Variants in SEMA3A observed in about 807,000 individuals in gnomAD.
The protein encoded by SEMA3A is semaphorin 3A.
SEMA3A carries 29 observed loss-of-function variants against 97.9 expected under a neutral mutation model. The observed-to-expected ratio is 0.30, with a 90% confidence interval of 0.22 to 0.40. SEMA3A has a LOEUF of 0.40. SEMA3A is among the 10% of genes least tolerant of loss of function. SEMA3A has a pLI of 1.00. For synonymous variants in SEMA3A, 321 were observed against 323.7 expected, an observed-to-expected ratio of 0.99 and a Z score of 0.09; for missense variants, 763 against 951.3, an observed-to-expected ratio of 0.80 and a Z score of 2.60.
intron 1 of SEMA3A, among the ~76,000 whole-genome samples, chr7:84,458,566 G>C (rs1275962199): frequency 2.6e-5 from 4 of 151,902 alleles, no homozygotes; most frequent in African/African-American, 9.7e-5. Context: ...CTGAAAGTTA[G>C]ATTTCTGACT....
chr7:84,440,342 A>T (rs576489640), intron 1 of SEMA3A, among the ~76,000 whole-genome samples: 34 of 152,276 alleles, frequency 2.2e-4, no homozygotes, highest in Admixed American at 1.3e-3. Context: ...GCAGCTGTCC[A>T]CATGTTCCTG....
chr7:84,436,008 G>C (rs1438747240), intron 1 of SEMA3A, among the ~76,000 whole-genome samples: 1 of 152,076 alleles, frequency 6.6e-6, no homozygotes. Context: ...ACCAAATAGG[G>C]AACTCAGAAA....
intron 3 of SEMA3A, among the ~76,000 whole-genome samples, chr7:84,265,013 A>G (rs1439934510): frequency 6.6e-6 from 1 of 152,152 alleles, no homozygotes; most frequent in Non-Finnish European, 1.5e-5. Context: ...TACCAATAGC[A>G]CTACCAATAG....
intron 3 of SEMA3A, among the ~76,000 whole-genome samples, chr7:84,210,887 C>T (rs983744924): frequency 2.0e-5 from 3 of 152,122 alleles, no homozygotes; most frequent in East Asian, 1.9e-4. Flanking sequence ...GGTAACATTA[C>T]GTATCTGCAG....
intron 2 of SEMA3A, among the ~76,000 whole-genome samples, chr7:84,129,832 C>G (rs938767461): frequency 6.6e-6 from 1 of 151,830 alleles, no homozygotes; most frequent in African/African-American, 2.4e-5. Context: ...CAATCACCCT[C>G]TCTAATGTGG....
chr7:84,271,163 C>A (rs1254792452), intron 3 of SEMA3A, among the ~76,000 whole-genome samples: 1 of 151,978 alleles, frequency 6.6e-6, no homozygotes, highest in Non-Finnish European at 1.5e-5. Flanking sequence ...TTATTTATAG[C>A]TACCTCCTCT....
Position 83,978,102 on chromosome 7 carries a change from A to AT in SEMA3A, c.1653-907dup, listed in dbSNP as rs200279682. Among the ~76,000 whole-genome samples the AT allele has an allele frequency of 5.0e-3, 763 of 152,202 alleles. 7 individuals carry two copies. Among genetic ancestry groups the AT allele is most frequent in the African/African-American group, 0.018 (747 of 41,538 alleles). ...ACAGCGTGAGCCACTGCGCCTGGCCATATCAACCTGTTCTTTTTTAAAACA... is the reference window on the plus strand; with the variant it reads ...ACAGCGTGAGCCACTGCGCCTGGCCATTATCAACCTGTTCTTTTTTAAAACA... On this transcript the variant is annotated intron_variant, in intron 14 of 16. Coordinates refer to ENST00000265362, the MANE Select transcript of SEMA3A (RefSeq NM_006080.3).
intron 2 of SEMA3A, among the ~76,000 whole-genome samples, chr7:84,309,109 C>T (rs373239821): frequency 2.2e-4 from 34 of 152,098 alleles, no homozygotes; most frequent in African/African-American, 7.5e-4. Flanking sequence ...TGAGCTACCA[C>T]GCCCGGCCAA....
chr7:84,485,434 G>A (rs533561991), intron 1 of SEMA3A, among the ~76,000 whole-genome samples: 1 of 151,690 alleles, frequency 6.6e-6, no homozygotes, highest in East Asian at 1.9e-4. Context: ...GGAGTGCAGT[G>A]GGGCGATCAT....
intron 2 of SEMA3A, among the ~76,000 whole-genome samples, chr7:84,365,687 ACTTTTTTT>A (rs1244620010): frequency 6.6e-6 from 1 of 151,228 alleles, no homozygotes; most frequent in Non-Finnish European, 1.5e-5. Flanking sequence ...TTATATTCTT[ACTTTTTTT>A]TGCTGCAACA....
chr7:84,454,571 T>C (rs1475933142), intron 1 of SEMA3A, among the ~76,000 whole-genome samples: 1 of 152,130 alleles, frequency 6.6e-6, no homozygotes, highest in African/African-American at 2.4e-5. Flanking sequence ...ATGTGGTAAA[T>C]GGTATAGTAC....
chr7:83,988,902 G>A (rs1371228053), intron 12 of SEMA3A, among the ~76,000 whole-genome samples: 3 of 147,784 alleles, frequency 2.0e-5, no homozygotes, highest in Non-Finnish European at 4.4e-5. Flanking sequence ...CTGTTGCCCA[G>A]GCTGGAGTGC....
At chr7:84,440,449 CTGA>C (rs1177417301) in intron 1 of SEMA3A, among the ~76,000 whole-genome samples, 1 of 152,172 alleles carries the variant, frequency 6.6e-6, no homozygotes, top group Non-Finnish European at 1.5e-5. Context: ...ATTGTTTCTT[CTGA>C]TCATAGAGGT....
At chr7:84,342,927 G>C (rs887504760) in intron 2 of SEMA3A, among the ~76,000 whole-genome samples, 1 of 152,138 alleles carries the variant, frequency 6.6e-6, no homozygotes. Flanking sequence ...TCCTGATTGT[G>C]CTTAGTGTAT....
intron 1 of SEMA3A, among the ~76,000 whole-genome samples, chr7:84,479,703 T>TA (rs898824923): frequency 4.6e-5 from 7 of 151,914 alleles, no homozygotes; most frequent in Non-Finnish European, 1.0e-4. Flanking sequence ...ATTTTATTCT[T>TA]AAAAAAAATA....
chr7:84,113,216 G>A (rs576295291), intron 3 of SEMA3A, among the ~76,000 whole-genome samples: 2 of 152,286 alleles, frequency 1.3e-5, no homozygotes, highest in Admixed American at 1.3e-4. Flanking sequence ...AATGGAGGAG[G>A]AAAGTGCATT....
chr7:84,387,537 A>G (rs1803430652), intron 1 of SEMA3A, among the ~76,000 whole-genome samples: 1 of 152,176 alleles, frequency 6.6e-6, no homozygotes, highest in African/African-American at 2.4e-5. Flanking sequence ...AATTATGGTT[A>G]ATTAATAGAC....
chr7:84,164,309 T>C (rs1180279258), intron 1 of SEMA3A, among the ~76,000 whole-genome samples: 2 of 152,176 alleles, frequency 1.3e-5, no homozygotes, highest in African/African-American at 2.4e-5. Flanking sequence ...AATAGAAAGA[T>C]GTTTCCAATA....
At chr7:84,211,181 T>C (rs1359321286) in intron 3 of SEMA3A, among the ~76,000 whole-genome samples, 1 of 152,198 alleles carries the variant, frequency 6.6e-6, no homozygotes, top group Non-Finnish European at 1.5e-5. Context: ...GAATGGTCTA[T>C]ACCAGAGATG....
Sources: allele counts gnomAD v4.1 joint callset (sites outside exome capture counted in the v4.1 genomes callset), GRCh38; gene constraint gnomAD v4.1.1; transcripts MANE v1.5; gene names NCBI Gene and HGNC (gene_info 2026-07-23, HGNC 2026-07-21).